The following AKAP19 variants were observed in gnomAD, a reference collection of about 807,000 sequenced individuals.
AKAP19 encodes the protein small A-kinase anchoring protein.
the AKAP19 span, among the ~76,000 whole-genome samples, chr2:190,128,947 G>A: frequency 9.9e-5 from 15 of 152,150 alleles, no homozygotes; most frequent in Non-Finnish European, 5.9e-5. Context: ...CCTACATATG[G>A]TAGCTCTGTT....
At chr2:189,976,553 T>C in the AKAP19 span, among the ~76,000 whole-genome samples, 1 of 152,256 alleles carries the variant, frequency 6.6e-6, no homozygotes, top group Non-Finnish European at 1.5e-5. Context: ...GCCTTTTGTT[T>C]GGCCATCTCC....
At chr2:190,114,619 C>A in the AKAP19 span, among the ~76,000 whole-genome samples, 2 of 152,120 alleles carry the variant, frequency 1.3e-5, no homozygotes, top group African/African-American at 4.8e-5. Context: ...CCATGCCTGG[C>A]TAATTTTTTT....
At chr2:190,038,897 TTTCTTTC>T in the AKAP19 span, among the ~76,000 whole-genome samples, 2,953 of 61,510 alleles carry the variant, frequency 0.048, 46 homozygotes, top group East Asian at 0.063. Flanking sequence ...TCTTTCTTTC[TTTCTTTC>T]TTCTTCTTCT....
At chr2:190,186,851 T>C in the AKAP19 span, among the ~76,000 whole-genome samples, 1 of 152,092 alleles carries the variant, frequency 6.6e-6, no homozygotes, top group African/African-American at 2.4e-5. This position sits in a 1 kb window ranked among gnomAD's most constrained non-coding sequence, Gnocchi z 5.5. Flanking sequence ...TATTTTTTAT[T>C]TTTTTTGAGA....
chr2:190,050,909 G>C, the AKAP19 span, among the ~76,000 whole-genome samples: 1 of 152,152 alleles, frequency 6.6e-6, no homozygotes, highest in African/African-American at 2.4e-5. Flanking sequence ...AGAACGGGGG[G>C]ATATGGATAT....
chr2:189,922,453 A>G, the AKAP19 span, among the ~76,000 whole-genome samples: 17 of 152,238 alleles, frequency 1.1e-4, no homozygotes, highest in Non-Finnish European at 2.2e-4. Flanking sequence ...TATAGAGAGA[A>G]GTAGGTAGAT....
At chr2:189,930,111 T>G in the AKAP19 span, among the ~76,000 whole-genome samples, 1 of 152,310 alleles carries the variant, frequency 6.6e-6, no homozygotes, top group East Asian at 1.9e-4. Flanking sequence ...TGAAATATCA[T>G]GTACTTTCCC....
the AKAP19 span, chr2:190,057,679 C>G: frequency 6.2e-6 from 10 of 1,604,046 alleles, no homozygotes; most frequent in Non-Finnish European, 8.5e-6. Context: ...ATCAATAGGC[C>G]TGGAAACACT....
chr2:190,148,307 C>G, the AKAP19 span, among the ~76,000 whole-genome samples: 10 of 152,120 alleles, frequency 6.6e-5, no homozygotes. Flanking sequence ...GTGAATGACA[C>G]TTATTGATTC....
At chr2:190,074,719 T>G in the AKAP19 span, among the ~76,000 whole-genome samples, 1 of 151,542 alleles carries the variant, frequency 6.6e-6, no homozygotes, top group African/African-American at 2.4e-5. Flanking sequence ...ACAGAAGAGA[T>G]AAAAGTGTCA....
the AKAP19 span, among the ~76,000 whole-genome samples, chr2:190,001,559 TTTTG>T: frequency 2.0e-5 from 3 of 152,212 alleles, no homozygotes; most frequent in African/African-American, 7.2e-5. Flanking sequence ...TCCTTTTGTT[TTTTG>T]TTTGTTTGTT....
chr2:190,020,615 T>C, the AKAP19 span, among the ~76,000 whole-genome samples: 1 of 152,196 alleles, frequency 6.6e-6, no homozygotes, highest in Non-Finnish European at 1.5e-5. Flanking sequence ...TAACCTGTTT[T>C]TAACTATTTT....
the AKAP19 span, among the ~76,000 whole-genome samples, chr2:190,192,126 T>C: frequency 1.3e-5 from 2 of 152,186 alleles, no homozygotes; most frequent in South Asian, 4.1e-4. Flanking sequence ...TTAATTTTTC[T>C]ATAAAGTATA....
the AKAP19 span, among the ~76,000 whole-genome samples, chr2:189,932,804 T>G: frequency 6.6e-6 from 1 of 152,222 alleles, no homozygotes; most frequent in Non-Finnish European, 1.5e-5. Flanking sequence ...CAGGTTTTTA[T>G]TGACTGAATA....
chr2:189,890,579 C>T, the AKAP19 span, among the ~76,000 whole-genome samples: 1 of 152,244 alleles, frequency 6.6e-6, no homozygotes, highest in East Asian at 1.9e-4. Context: ...TCTCTAAGAA[C>T]TTGCTTTATG....
the AKAP19 span, among the ~76,000 whole-genome samples, chr2:190,080,472 G>T: frequency 6.6e-6 from 1 of 152,198 alleles, no homozygotes; most frequent in Non-Finnish European, 1.5e-5. Context: ...GGTGACATTT[G>T]AGCTGGATCT....
chr2:189,976,718 A>G, the AKAP19 span, among the ~76,000 whole-genome samples: 2 of 152,136 alleles, frequency 1.3e-5, no homozygotes, highest in Non-Finnish European at 2.9e-5. Flanking sequence ...TTGCAGTTCA[A>G]TTTCAGTCTG....
the AKAP19 span, among the ~76,000 whole-genome samples, chr2:189,928,259 G>A: frequency 6.6e-6 from 1 of 152,034 alleles, no homozygotes; most frequent in Non-Finnish European, 1.5e-5. Context: ...AATCATATTT[G>A]AAGGCCCATT....
the AKAP19 span, among the ~76,000 whole-genome samples, chr2:190,166,755 T>C: frequency 6.6e-6 from 1 of 152,190 alleles, no homozygotes; most frequent in Non-Finnish European, 1.5e-5. Flanking sequence ...GAATGGGACT[T>C]CCTTGATCTG....
Sources: gnomAD v4.1 joint callset for allele counts (sites outside exome capture counted in the v4.1 genomes callset) on GRCh38, gnomAD v4.1.1 for gene constraint, Gnocchi (gnomAD v3.1) non-coding constraint, MANE v1.5 for transcripts, NCBI Gene and HGNC (gene_info 2026-07-23, HGNC 2026-07-21) for gene names.